ZNF474: variants seen among roughly 807,000 people sequenced by gnomAD.
ZNF474 encodes zinc finger protein 474.
For synonymous variants in ZNF474, 192 were observed against 162.2 expected, an observed-to-expected ratio of 1.18 and a Z score of -1.39; for missense variants, 511 against 433.8, an observed-to-expected ratio of 1.18 and a Z score of -1.58.
In ZNF474 at chr5:122,144,715, T is replaced by G. The variant is rs566770577; in HGVS notation, c.-212-7064T>G. On this transcript the variant is annotated intron_variant, in intron 1 of 1. Transcript: ENST00000296600. ...ATCCTAAATGAGAGAAAATATGGCATGTGAAATTCCTTTGAAGACTTGTTA... is the reference window on the plus strand; with the variant it reads ...ATCCTAAATGAGAGAAAATATGGCAGGTGAAATTCCTTTGAAGACTTGTTA... 2.2e-3 allele frequency among the ~76,000 whole-genome samples: 328 copies of G among 152,322 alleles called. 2 individuals carry two copies. The highest frequency in any genetic ancestry group is 7.6e-3 in the African/African-American group (314 of 41,578).
At chr5:122,139,041 G>C (rs1277202934) in intron 1 of ZNF474, among the ~76,000 whole-genome samples, 1 of 152,124 alleles carries the variant, frequency 6.6e-6, no homozygotes, top group Non-Finnish European at 1.5e-5. Context: ...CCACTCAAAA[G>C]TACTAAATGA....
chr5:122,149,052 A>G (rs901664743), intron 1 of ZNF474, among the ~76,000 whole-genome samples: 2 of 152,182 alleles, frequency 1.3e-5, no homozygotes, highest in African/African-American at 2.4e-5. Flanking sequence ...TTCTTAATGC[A>G]GAAACAGAAA....
chr5:122,148,054 A>G (rs1385166684), intron 1 of ZNF474: 1 of 152,252 alleles, frequency 6.6e-6, no homozygotes, highest in Non-Finnish European at 1.5e-5. Flanking sequence ...TAAACTAGCA[A>G]CATTGCTTTA....
At chr5:122,144,752 C>T (rs992733034) in intron 1 of ZNF474, among the ~76,000 whole-genome samples, 1 of 152,162 alleles carries the variant, frequency 6.6e-6, no homozygotes, top group Admixed American at 6.5e-5. Context: ...TCGACTCTTC[C>T]ACTTTTTTCT....
intron 1 of ZNF474, among the ~76,000 whole-genome samples, chr5:122,130,438 A>C (rs1453708335): frequency 6.6e-6 from 1 of 152,134 alleles, no homozygotes; most frequent in African/African-American, 2.4e-5. Flanking sequence ...GATACCATAT[A>C]TATTATATTG....
chr5:122,139,842 A>C lies in ZNF474; in HGVS notation c.-213+10159A>C, dbSNP rs1244880615. ...AACTTGTTATTTCTCAAGATAGAGA[A>C]GAAAAAAGCTTTTAAGGCAGCTTAG... On this transcript the variant is annotated intron_variant, in intron 1 of 1. Transcript: ENST00000296600. Among the ~76,000 whole-genome samples, 5 of 152,214 alleles carry C rather than the reference A, an allele frequency of 3.3e-5. No homozygotes were observed. The East Asian group carries it at 9.6e-4, about 29-fold the overall frequency.
At chr5:122,134,105 GA>G (rs1283169337) in intron 1 of ZNF474, among the ~76,000 whole-genome samples, 4 of 152,176 alleles carry the variant, frequency 2.6e-5, no homozygotes, top group African/African-American at 9.6e-5. Context: ...CTTCCTGAGG[GA>G]TCAGTGATGA....
rs771454858 is a variant in ZNF474, at chr5:122,152,278, A to G, written c.288A>G (p.Val96=). The change falls in exon 2 of 2, where the codon GTA becomes GTG. Residue 96 remains valine, a synonymous_variant. Coordinates refer to ENST00000296600, the MANE Select transcript of ZNF474 (RefSeq NM_207317.3). ...VIPARRPGFR[V]CYICGREFGS... ...CGGCCCGCAGGCCTGGATTCCGGGT[A>G]TGCTATATCTGTGGCCGAGAATTTG... The G allele has an allele frequency of 6.8e-6, 11 of 1,614,084 alleles. No homozygotes were observed. Among genetic ancestry groups the G allele is most frequent in the Non-Finnish European group, 9.3e-6 (11 of 1,180,040 alleles).
intron 1 of ZNF474, among the ~76,000 whole-genome samples, chr5:122,134,466 G>C (rs1438380095): frequency 6.6e-6 from 1 of 152,226 alleles, no homozygotes; most frequent in Non-Finnish European, 1.5e-5. Context: ...AGAAGGGTTA[G>C]AAAATTTTCT....
chr5:122,141,902 C>T (rs1372132852), intron 1 of ZNF474, among the ~76,000 whole-genome samples: 1 of 152,214 alleles, frequency 6.6e-6, no homozygotes. Context: ...CTGTCTATCT[C>T]TCACTGACTG....
chr5:122,133,212 T>A (rs1755619778), intron 1 of ZNF474, among the ~76,000 whole-genome samples: 1 of 152,254 alleles, frequency 6.6e-6, no homozygotes, highest in Non-Finnish European at 1.5e-5. Flanking sequence ...GGGCATCTAC[T>A]ATATTCCAGA....
At chr5:122,135,502 G>C (rs1460074185) in intron 1 of ZNF474, among the ~76,000 whole-genome samples, 1 of 152,144 alleles carries the variant, frequency 6.6e-6, no homozygotes, top group East Asian at 1.9e-4. Flanking sequence ...TTGATTGGTG[G>C]CGAGGATGTG....
chr5:122,151,210 A>T (rs542398459), intron 1 of ZNF474, among the ~76,000 whole-genome samples: 204 of 152,294 alleles, frequency 1.3e-3, no homozygotes, highest in South Asian at 3.9e-3. Context: ...CAGTTGACAA[A>T]TTATTTCAGT....
chr5:122,136,248 C>A (rs1422961735), intron 1 of ZNF474, among the ~76,000 whole-genome samples: 1 of 151,976 alleles, frequency 6.6e-6, no homozygotes, highest in African/African-American at 2.4e-5. Flanking sequence ...AAATATCATA[C>A]CTATGCCATA....
chr5:122,146,097 G>A (rs751525978), intron 1 of ZNF474, among the ~76,000 whole-genome samples: 7 of 152,148 alleles, frequency 4.6e-5, no homozygotes, highest in Admixed American at 2.0e-4. Context: ...ATGCACACAG[G>A]AAGCCTTTAA....
At chr5:122,137,992 A>G (rs1331984006) in intron 1 of ZNF474, among the ~76,000 whole-genome samples, 7 of 152,244 alleles carry the variant, frequency 4.6e-5, no homozygotes, top group Non-Finnish European at 1.0e-4. Flanking sequence ...CAAAACAGCC[A>G]AAAGGAATAA....
At chr5:122,135,459 G>T (rs1184629796) in intron 1 of ZNF474, among the ~76,000 whole-genome samples, 2 of 152,140 alleles carry the variant, frequency 1.3e-5, no homozygotes, top group Non-Finnish European at 2.9e-5. Context: ...CTCATCTCAG[G>T]TAAAATGGAT....
intron 1 of ZNF474, among the ~76,000 whole-genome samples, chr5:122,134,620 G>A (rs1755656074): frequency 3.3e-5 from 5 of 152,146 alleles, no homozygotes; most frequent in Admixed American, 6.5e-5. Context: ...GCTGAACGAT[G>A]GCCAGATTTA....
At chr5:122,136,167 T>A (rs1368370922) in intron 1 of ZNF474, among the ~76,000 whole-genome samples, 2 of 152,192 alleles carry the variant, frequency 1.3e-5, no homozygotes, top group South Asian at 2.1e-4. Context: ...CACAAAATAA[T>A]GATAAATGCT....
Sources: gnomAD v4.1 joint callset for allele counts (sites outside exome capture counted in the v4.1 genomes callset) on GRCh38, gnomAD v4.1.1 for gene constraint, MANE v1.5 for transcripts, NCBI Gene and HGNC (gene_info 2026-07-23, HGNC 2026-07-21) for gene names.